CACNA1C: variants seen among roughly 807,000 people sequenced by gnomAD.
CACNA1C encodes the protein voltage-dependent L-type calcium channel subunit alpha-1C.
A neutral mutation model predicts 229.0 loss-of-function variants in CACNA1C; 30 were observed. That is an observed-to-expected ratio of 0.13 (90% confidence interval 0.10 to 0.18). CACNA1C has a LOEUF of 0.18. CACNA1C is among the 10% of genes least tolerant of loss of function. CACNA1C has a pLI of 1.00. For missense variants in CACNA1C, 1,658 were observed against 2,845.0 expected, an observed-to-expected ratio of 0.58 and a Z score of 9.49; for synonymous variants, 1,114 against 1,132.5, an observed-to-expected ratio of 0.98 and a Z score of 0.33.
intron 13 of CACNA1C, among the ~76,000 whole-genome samples, chr12:2,572,339 TTCCTCC>T (rs1327075641): frequency 3.4e-5 from 1 of 29,126 alleles, no homozygotes; most frequent in East Asian, 1.1e-3. Flanking sequence ...CCTTCTCTTC[TTCCTCC>T]TCCTCCTCCT....
intron 3 of CACNA1C, among the ~76,000 whole-genome samples, chr12:2,227,543 C>T (rs532291071): frequency 6.6e-6 from 1 of 152,278 alleles, no homozygotes; most frequent in South Asian, 2.1e-4. Flanking sequence ...TATGTCAGTT[C>T]CGTTTTTCTG....
At chr12:2,301,455 G>A (rs912054316) in intron 3 of CACNA1C, among the ~76,000 whole-genome samples, 4 of 152,154 alleles carry the variant, frequency 2.6e-5, no homozygotes, top group Non-Finnish European at 5.9e-5. Flanking sequence ...GATTTGCCCC[G>A]GAGGTGAAAA....
intron 3 of CACNA1C, among the ~76,000 whole-genome samples, chr12:2,355,324 G>A (rs2097329431): frequency 6.6e-6 from 1 of 152,048 alleles, no homozygotes; most frequent in African/African-American, 2.4e-5. Flanking sequence ...CAGCTGTCCT[G>A]TGTCCCTGAG....
chr12:2,375,704 T>C (rs1767571603), intron 3 of CACNA1C, among the ~76,000 whole-genome samples: 1 of 152,220 alleles, frequency 6.6e-6, no homozygotes, highest in African/African-American at 2.4e-5. Flanking sequence ...TTAAATCAAG[T>C]CCTTGTCTTA....
rs375656252 is a variant in CACNA1C, at chr12:2,674,571, G to A, written c.4757G>A (p.Arg1586Gln). 4 of 1,572,138 alleles carry A rather than the reference G, an allele frequency of 2.5e-6. No individual in the cohort carries two copies. The highest frequency in any genetic ancestry group is 3.5e-6 in the Non-Finnish European group (4 of 1,158,188). The change falls in exon 39 of 47, where the codon CGG becomes CAG. Residue 1586 changes from arginine (R) to glutamine (Q), a missense_variant. By Grantham distance (43) the Arg-to-Gln change is conservative. Transcript: ENST00000399655. Reference sequence around the variant, plus strand: ...CTAGAACAAGCCAATGAGGAGCTGCGGGCGATCATCAAGAAGATCTGGAAG... The same window carrying A: ...CTAGAACAAGCCAATGAGGAGCTGCAGGCGATCATCAAGAAGATCTGGAAG... The part of the protein sequence containing the change: ...GNLEQANEEL[R>Q]AIIKKIWKRT...
At chr12:2,041,577 G>A (rs1201780190) in intron 1 of CACNA1C, among the ~76,000 whole-genome samples, 6 of 152,156 alleles carry the variant, frequency 3.9e-5, no homozygotes, top group Non-Finnish European at 5.9e-5. Flanking sequence ...CGCCCGGCCC[G>A]CTAAGGGTAT....
At chr12:2,497,969 T>TCACACACACACA (rs3058710) in intron 7 of CACNA1C, among the ~76,000 whole-genome samples, 12,259 of 143,872 alleles carry the variant, frequency 0.085, 615 homozygotes, top group Middle Eastern at 0.16. Flanking sequence ...TCTATTAAAT[T>TCACACACACACA]CACACACACA....
At chr12:2,113,690 G>A (rs558226855) in intron 1 of CACNA1C, among the ~76,000 whole-genome samples, 1 of 152,236 alleles carries the variant, frequency 6.6e-6, no homozygotes, top group Admixed American at 6.5e-5. Context: ...TTGATCCTGC[G>A]GCACCTGGCC....
intron 9 of CACNA1C, among the ~76,000 whole-genome samples, chr12:2,523,377 A>G (rs1019568496): frequency 6.6e-6 from 1 of 152,206 alleles, no homozygotes; most frequent in Admixed American, 6.5e-5. Context: ...CCTTCAGTTC[A>G]GGGTTCCTTG....
At chr12:2,111,764 CA>C (rs1039790083) in intron 1 of CACNA1C, among the ~76,000 whole-genome samples, 15 of 152,086 alleles carry the variant, frequency 9.9e-5, no homozygotes, top group Non-Finnish European at 1.6e-4. Flanking sequence ...TTGAATGGAG[CA>C]AAATTAGAGT....
At chr12:2,065,961 A>G (rs1389438019) in intron 1 of CACNA1C, among the ~76,000 whole-genome samples, 1 of 152,124 alleles carries the variant, frequency 6.6e-6, no homozygotes, top group African/African-American at 2.4e-5. Context: ...ATTGGGCTGA[A>G]GAGTTTGCAT....
chr12:2,356,523 G>A (rs533348421), intron 3 of CACNA1C, among the ~76,000 whole-genome samples: 137 of 152,336 alleles, frequency 9.0e-4, no homozygotes, highest in Non-Finnish European at 1.5e-3. Flanking sequence ...TGGCTCAGGC[G>A]CTGCCCTTGG....
At chr12:2,397,674 C>T (rs2154550083) in intron 3 of CACNA1C, among the ~76,000 whole-genome samples, 1 of 152,350 alleles carries the variant, frequency 6.6e-6, no homozygotes, top group South Asian at 2.1e-4. Context: ...ATGATAGACA[C>T]AGTGGAGCAG....
At chr12:2,280,903 C>T (rs1369749304) in intron 3 of CACNA1C, among the ~76,000 whole-genome samples, 3 of 152,212 alleles carry the variant, frequency 2.0e-5, no homozygotes, top group Non-Finnish European at 4.4e-5. Flanking sequence ...CTTCTGTTGA[C>T]TTATTAGCTA....
intron 3 of CACNA1C, among the ~76,000 whole-genome samples, chr12:2,364,809 A>G (rs1397993133): frequency 1.3e-5 from 2 of 152,216 alleles, no homozygotes; most frequent in African/African-American, 2.4e-5. Flanking sequence ...GAGGTCAGCC[A>G]CAGACACCTC....
intron 3 of CACNA1C, among the ~76,000 whole-genome samples, chr12:2,448,182 G>A (rs975276385): frequency 1.3e-5 from 2 of 152,190 alleles, no homozygotes; most frequent in African/African-American, 4.8e-5. Context: ...CCAGGGATGG[G>A]AGCTGCATCC....
chr12:2,125,529 C>T (rs938557292), intron 3 of CACNA1C, among the ~76,000 whole-genome samples: 1 of 152,008 alleles, frequency 6.6e-6, no homozygotes, highest in African/African-American at 2.4e-5. Context: ...ATTTCAGAGC[C>T]CTACTCTGAG....
In CACNA1C at chr12:2,653,985, C is replaced by A; in HGVS notation, c.4140+85C>A. The A allele has an allele frequency of 9.3e-7, 1 of 1,070,138 alleles. No homozygotes were observed. Among genetic ancestry groups the A allele is most frequent in the Non-Finnish European group, 1.4e-6 (1 of 704,340 alleles). The allele number at this position is 1,070,138 out of a possible 1,614,324, so 66.3% of individuals were successfully genotyped here. On this transcript the variant is annotated intron_variant, in intron 33 of 46. Transcript: ENST00000399655. The surrounding 1 kb of genome is among the most constrained non-coding windows in gnomAD (Gnocchi z 4.7). Reference sequence around the variant, plus strand: ...GCACCACATTCCCTAACGCCTTCCTCCCTCCCTTCTCCCTTTCATTCCTGA... The same window carrying A: ...GCACCACATTCCCTAACGCCTTCCTACCTCCCTTCTCCCTTTCATTCCTGA...
intron 1 of CACNA1C, among the ~76,000 whole-genome samples, chr12:2,075,852 CATGGAG>C (rs2063007353): frequency 1.3e-5 from 2 of 152,148 alleles, no homozygotes. Context: ...TGCCTGCACC[CATGGAG>C]AACTGACAGT....
Sources: allele counts gnomAD v4.1 joint callset (sites outside exome capture counted in the v4.1 genomes callset), GRCh38; gene constraint gnomAD v4.1.1; non-coding constraint Gnocchi (gnomAD v3.1); transcripts MANE v1.5; gene names NCBI Gene and HGNC (gene_info 2026-07-23, HGNC 2026-07-21).